BBX: variants seen among roughly 807,000 people sequenced by gnomAD.
BBX encodes BBX high mobility group box domain containing, also known as HMG box transcription factor BBX.
Under a neutral mutation model 100.2 loss-of-function variants are expected in BBX, and 30 were observed. The observed-to-expected ratio is 0.30, with a 90% CI of 0.22 to 0.41. The LOEUF (loss-of-function observed/expected upper bound fraction) is 0.41. Among genes scored for constraint, BBX ranks in the 10% least tolerant of loss-of-function variants. The probability of loss-of-function intolerance (pLI) is 1.00; values close to 1 mark genes in which losing one functional copy is unlikely to be tolerated. For missense variants in BBX, 1,023 were observed against 1,129.8 expected (o/e 0.91, Z 1.35); for synonymous variants, 376 against 388.1 (o/e 0.97, Z 0.37).
intron 3 of BBX, among the ~76,000 whole-genome samples, chr3:107,707,178 T>C (rs2061442070): frequency 6.6e-6 from 1 of 152,200 alleles, no homozygotes; most frequent in Non-Finnish European, 1.5e-5. Context: ...ATGTACCTAC[T>C]TTGTTCCAGG....
At chr3:107,609,036 A>T (rs1233765268) in intron 2 of BBX, among the ~76,000 whole-genome samples, 1 of 152,134 alleles carries the variant, frequency 6.6e-6, no homozygotes, top group Non-Finnish European at 1.5e-5. Context: ...TCCAATTTGG[A>T]TGCCCTTTAT....
At chr3:107,587,818 A>G (rs1207941568) in intron 2 of BBX, among the ~76,000 whole-genome samples, 2 of 152,230 alleles carry the variant, frequency 1.3e-5, no homozygotes, top group Non-Finnish European at 2.9e-5. Flanking sequence ...TGGTTTATCT[A>G]CAATCCACCC....
intron 2 of BBX, among the ~76,000 whole-genome samples, chr3:107,579,881 T>C (rs2052140117): frequency 6.6e-6 from 1 of 152,250 alleles, no homozygotes. Context: ...TGGTTGAATA[T>C]CTTTAGTTTT....
At chr3:107,618,626 C>G (rs1417167720) in intron 2 of BBX, among the ~76,000 whole-genome samples, 1 of 151,916 alleles carries the variant, frequency 6.6e-6, no homozygotes, top group African/African-American at 2.4e-5. Context: ...GTTATTTTCT[C>G]CCCCTTGAAA....
At chr3:107,682,091 T>C (rs1484258553) in intron 3 of BBX, among the ~76,000 whole-genome samples, 1 of 152,124 alleles carries the variant, frequency 6.6e-6, no homozygotes, top group Non-Finnish European at 1.5e-5. Flanking sequence ...GTACTTCACA[T>C]AAAACTAATT....
intron 9 of BBX, among the ~76,000 whole-genome samples, chr3:107,751,082 G>GT (rs1304952170): frequency 2.4e-5 from 3 of 125,944 alleles, no homozygotes; most frequent in East Asian, 1.3e-3. Context: ...ATAGTTATGT[G>GT]TTTTTTAAAA....
chr3:107,698,036 T>A (rs2060771296), intron 3 of BBX, among the ~76,000 whole-genome samples: 1 of 151,888 alleles, frequency 6.6e-6, no homozygotes, highest in Non-Finnish European at 1.5e-5. Flanking sequence ...AGTGAGGCAA[T>A]GCCTCGCCCT....
intron 2 of BBX, among the ~76,000 whole-genome samples, chr3:107,624,590 C>G (rs9817496): frequency 6.6e-6 from 1 of 152,108 alleles, no homozygotes; most frequent in African/African-American, 2.4e-5. Flanking sequence ...AGTAGTTGGT[C>G]GGGCACAGTG....
intron 8 of BBX, 83 bp downstream of exon 8, chr3:107,744,793 A>C (rs1268273172): frequency 9.0e-7 from 1 of 1,108,204 alleles, no homozygotes; most frequent in Non-Finnish European, 1.4e-6. Flanking sequence ...AACTGAAAGC[A>C]ATGAAGAACT....
chr3:107,592,873 T>C (rs965649488), intron 2 of BBX, among the ~76,000 whole-genome samples: 1 of 152,216 alleles, frequency 6.6e-6, no homozygotes, highest in African/African-American at 2.4e-5. Context: ...GTGGTTTTTT[T>C]AAGATCAAGG....
Position 107,791,281 on chromosome 3 carries a change from G to A in BBX, c.2335G>A (p.Ala779Thr), listed in dbSNP as rs1418041206. ...GTCAAACAAGCAACTCTTCTTGGAT[G>A]CCATTCACCCTACAGAAGGTAAGAC... Reference protein sequence around the residue: ...KWSNKQLFLDAIHPTEAIFSE... With the variant: ...KWSNKQLFLDTIHPTEAIFSE... The change falls in exon 15 of 18, where the codon GCC becomes ACC. Residue 779 changes from alanine (A) to threonine (T), a missense_variant. Transcript: ENST00000325805. 6.2e-7 allele frequency: 1 copy of A among 1,613,162 alleles called. No homozygotes were observed. The highest frequency in any genetic ancestry group is 2.2e-5 in the East Asian group (1 of 44,822).
chr3:107,765,088 A>G (rs1245479113), intron 10 of BBX, among the ~76,000 whole-genome samples: 1 of 152,244 alleles, frequency 6.6e-6, no homozygotes, highest in Non-Finnish European at 1.5e-5. Context: ...CAACCCTAAA[A>G]TGAACACTTA....
rs1476513422 is a variant in BBX at position 107,806,488 on chromosome 3, A to G, written c.*1031A>G. 2.0e-5 allele frequency: 3 copies of G among 152,212 alleles called. No homozygotes were observed. The highest frequency in any genetic ancestry group is 7.2e-5 in the African/African-American group (3 of 41,448). The allele number at this position is 152,212 out of a possible 1,614,324, so 9.4% of individuals were successfully genotyped here. A position where few individuals can be genotyped will look rare whatever the true frequency, so the allele number is the denominator to read the frequency against. The stretch of plus-strand genomic sequence containing the variant: ...ATTGGCTGGACGGGTTGCAATTGCT[A>G]TGCACAGCCTGATTGGCACTGCAGG... On this transcript the variant is annotated 3_prime_UTR_variant, in exon 18 of 18. Coordinates refer to ENST00000325805, the MANE Select transcript of BBX (RefSeq NM_001142568.3).
chr3:107,775,601 T>C (rs1559687556), intron 12 of BBX, among the ~76,000 whole-genome samples: 2 of 152,166 alleles, frequency 1.3e-5, no homozygotes, highest in Non-Finnish European at 1.5e-5. Flanking sequence ...AAAAGAATAC[T>C]TTGAATAGAA....
chr3:107,581,859 T>C (rs947376056), intron 2 of BBX, among the ~76,000 whole-genome samples: 1 of 152,208 alleles, frequency 6.6e-6, no homozygotes, highest in Non-Finnish European at 1.5e-5. Context: ...AATTATGTTA[T>C]TATCATTACC....
intron 3 of BBX, among the ~76,000 whole-genome samples, chr3:107,706,314 C>T (rs918948329): frequency 5.9e-5 from 9 of 152,134 alleles, no homozygotes; most frequent in African/African-American, 7.2e-5. Flanking sequence ...TGAGCCACCA[C>T]GCCCGGTTTG....
At chr3:107,552,734 C>T (rs948184946) in intron 2 of BBX, among the ~76,000 whole-genome samples, 18 of 152,202 alleles carry the variant, frequency 1.2e-4, no homozygotes, top group African/African-American at 4.3e-4. Context: ...CCTGCCCCAA[C>T]TAAAGGTTAT....
chr3:107,735,040 T>C (rs2107544034), intron 7 of BBX, among the ~76,000 whole-genome samples: 1 of 152,270 alleles, frequency 6.6e-6, no homozygotes. Flanking sequence ...TCTTTCTTCA[T>C]ATTCAGTATT....
At chr3:107,701,404 G>T (rs2061039169) in intron 3 of BBX, among the ~76,000 whole-genome samples, 1 of 152,124 alleles carries the variant, frequency 6.6e-6, no homozygotes, top group Non-Finnish European at 1.5e-5. Flanking sequence ...TTCATTGTAG[G>T]ATCTTTCGCC....
Sources: gnomAD v4.1 joint callset for allele counts (sites outside exome capture counted in the v4.1 genomes callset) on GRCh38, gnomAD v4.1.1 for gene constraint, MANE v1.5 for transcripts, NCBI Gene and HGNC (gene_info 2026-07-23, HGNC 2026-07-21) for gene names.